SNCAIP: variants seen among roughly 807,000 people sequenced by gnomAD.
SNCAIP encodes the protein synuclein alpha interacting protein.
In SNCAIP, 43 loss-of-function variants were observed where a neutral mutation model predicts 86.7. That is an observed-to-expected ratio of 0.50 (90% CI 0.39 to 0.64). The LOEUF is 0.64. Ranked by LOEUF, SNCAIP falls within the 30% of genes least tolerant of loss-of-function variation. SNCAIP has a pLI of 0.00. For missense variants in SNCAIP, 981 were observed against 1,103.1 expected (o/e 0.89, Z 1.57); for synonymous variants, 417 against 427.2 (o/e 0.98, Z 0.29).
chr5:122,374,638 A>G (rs189689056), intron 1 of SNCAIP, among the ~76,000 whole-genome samples: 1 of 152,274 alleles, frequency 6.6e-6, no homozygotes, highest in African/African-American at 2.4e-5. Flanking sequence ...GCGAGAAACT[A>G]TATGAACATT....
chr5:122,312,111 G>C (rs1028741547), upstream of SNCAIP: 1 of 148,000 alleles, frequency 6.8e-6, no homozygotes, highest in Non-Finnish European at 1.5e-5. Flanking sequence ...CCCGTTGGGG[G>C]GCCCGGGGAG....
intron 1 of SNCAIP, among the ~76,000 whole-genome samples, chr5:122,313,790 G>A (rs916818088): frequency 6.6e-6 from 1 of 152,164 alleles, no homozygotes; most frequent in African/African-American, 2.4e-5. Context: ...AGTCTCTCTG[G>A]AAAGGGAGTA....
At chr5:122,335,442 A>G (rs1421328562) in intron 1 of SNCAIP, among the ~76,000 whole-genome samples, 3 of 152,232 alleles carry the variant, frequency 2.0e-5, no homozygotes, top group African/African-American at 7.2e-5. Context: ...AAGCAGATAC[A>G]CCAGCTCTTT....
In SNCAIP at chr5:122,365,658, G is replaced by T. The variant is rs183850297; in HGVS notation, c.-46-25431G>T. Among the ~76,000 whole-genome samples, 1,229 of 152,282 alleles carry T rather than the reference G, an allele frequency of 8.1e-3. 15 individuals carry two copies. The highest frequency in any genetic ancestry group is 0.028 in the African/African-American group (1,166 of 41,542). ...TGCGCCACTGCACTCTAGTCTGGGC[G>T]GCAGAGTAAGACCCTGTCTCCATAA... On this transcript the variant is annotated intron_variant, in intron 1 of 10. Coordinates refer to ENST00000261368, the MANE Select transcript of SNCAIP (RefSeq NM_005460.4).
At chr5:122,317,184 A>C (rs1296270332) in intron 1 of SNCAIP, among the ~76,000 whole-genome samples, 1 of 152,136 alleles carries the variant, frequency 6.6e-6, no homozygotes, top group Non-Finnish European at 1.5e-5. Context: ...TTTTAAATCC[A>C]CCACTCATAA....
chr5:122,433,437 T>G (rs915919156), intron 6 of SNCAIP, among the ~76,000 whole-genome samples: 12 of 152,110 alleles, frequency 7.9e-5, no homozygotes, highest in African/African-American at 2.9e-4. Flanking sequence ...TTGTCCCCAT[T>G]TGTATAGAAA....
intron 2 of SNCAIP, among the ~76,000 whole-genome samples, chr5:122,394,717 T>C (rs1252776926): frequency 6.6e-6 from 1 of 152,152 alleles, no homozygotes; most frequent in Non-Finnish European, 1.5e-5. Flanking sequence ...GTGGTGCTCT[T>C]AAAAATAGTT....
intron 10 of SNCAIP, among the ~76,000 whole-genome samples, chr5:122,460,810 C>A (rs1007018062): frequency 1.5e-4 from 23 of 152,238 alleles, no homozygotes; most frequent in African/African-American, 4.6e-4. Context: ...TCTTTTAGCA[C>A]CCTCAGACAG....
At chr5:122,431,572 A>G (rs1294028258) in intron 5 of SNCAIP, among the ~76,000 whole-genome samples, 1 of 152,158 alleles carries the variant, frequency 6.6e-6, no homozygotes, top group Non-Finnish European at 1.5e-5. Flanking sequence ...GGTGAGAACC[A>G]AAGAGTACTA....
In SNCAIP at chr5:122,353,438, G is replaced by GA. The variant is rs1440490558; in HGVS notation, c.-46-37651_-46-37650insA. 7.5e-3 allele frequency among the ~76,000 whole-genome samples: 796 copies of GA among 106,200 alleles called. 7 individuals are homozygous for GA. Among genetic ancestry groups the GA allele is most frequent in the African/African-American group, 0.03 (763 of 25,258 alleles). The allele number at this position is 106,200 out of a possible 152,430, so 69.7% of individuals were successfully genotyped here. The stretch of plus-strand genomic sequence containing the variant: ...ATAATAAAAGTTATGACATAATTAA[G>GA]CAAAAAAAAAAAAAAAAGACAACTG... On this transcript the variant is annotated intron_variant, in intron 1 of 10. Coordinates refer to ENST00000261368, the MANE Select transcript of SNCAIP (RefSeq NM_005460.4).
intron 3 of SNCAIP, among the ~76,000 whole-genome samples, chr5:122,422,026 AAAC>A (rs200907228): frequency 0.043 from 5,259 of 123,394 alleles, 146 homozygotes; most frequent in Non-Finnish European, 0.057. Flanking sequence ...AAAAAAAAAA[AAAC>A]CACTCTGCCT....
intron 5 of SNCAIP, among the ~76,000 whole-genome samples, chr5:122,430,694 G>C (rs529939524): frequency 1.6e-4 from 25 of 151,890 alleles, no homozygotes; most frequent in Admixed American, 3.3e-4. Context: ...TACATGCCTT[G>C]ATTGCTTTTT....
chr5:122,389,270 C>T (rs1330520290), intron 1 of SNCAIP: 4 of 152,160 alleles, frequency 2.6e-5, no homozygotes, highest in African/African-American at 7.2e-5. Context: ...GCTTCATCTC[C>T]CCATATTTCC....
At chr5:122,314,764 A>G (rs1455469708) in intron 1 of SNCAIP, among the ~76,000 whole-genome samples, 1 of 152,216 alleles carries the variant, frequency 6.6e-6, no homozygotes, top group Non-Finnish European at 1.5e-5. Flanking sequence ...TTTGAAATTA[A>G]TGATCAAAAT....
intron 1 of SNCAIP, among the ~76,000 whole-genome samples, chr5:122,330,282 C>T (rs1580819678): frequency 6.6e-6 from 1 of 151,738 alleles, no homozygotes; most frequent in South Asian, 2.1e-4. Flanking sequence ...CCACTACGCC[C>T]GGCTAATTTT....
chr5:122,460,961 C>T (rs185712483), intron 10 of SNCAIP, among the ~76,000 whole-genome samples: 121 of 152,278 alleles, frequency 7.9e-4, no homozygotes, highest in African/African-American at 2.8e-3. Context: ...TTGTGCTTCT[C>T]TCCTGTTTAG....
intron 1 of SNCAIP, among the ~76,000 whole-genome samples, chr5:122,329,838 C>G (rs922086561): frequency 2.0e-5 from 3 of 152,074 alleles, no homozygotes; most frequent in Admixed American, 6.5e-5. Context: ...TTACTCTCAT[C>G]AAAATGGAAC....
At chr5:122,456,224 T>A (rs3811874) in intron 10 of SNCAIP, among the ~76,000 whole-genome samples, 30,029 of 152,164 alleles carry the variant, frequency 0.2, 3,512 homozygotes, top group South Asian at 0.32. Context: ...ATAAACACCA[T>A]TAGTGTGGGT....
intron 5 of SNCAIP, among the ~76,000 whole-genome samples, chr5:122,426,118 T>C (rs1453837186): frequency 1.3e-5 from 2 of 152,206 alleles, no homozygotes; most frequent in East Asian, 1.9e-4. Flanking sequence ...ACATGGACTT[T>C]TATAGCACTG....
Sources: allele counts gnomAD v4.1 joint callset (sites outside exome capture counted in the v4.1 genomes callset), GRCh38; gene constraint gnomAD v4.1.1; transcripts MANE v1.5; gene names NCBI Gene and HGNC (gene_info 2026-07-23, HGNC 2026-07-21).